Variants in SGCD observed in about 807,000 individuals in gnomAD.
SGCD encodes the protein delta-sarcoglycan.
Under a neutral mutation model 36.6 loss-of-function variants are expected in SGCD, and 18 were observed. The observed-to-expected ratio is 0.49, with a 90% CI of 0.34 to 0.73. The LOEUF is 0.73. Ranked by LOEUF, SGCD falls within the 30% of genes least tolerant of loss-of-function variation. SGCD has a pLI of 0.01. For synonymous variants in SGCD, 133 were observed against 130.6 expected (o/e 1.02, Z -0.12); for missense variants, 387 against 346.7 (o/e 1.12, Z -0.92).
intron 3 of SGCD, among the ~76,000 whole-genome samples, chr5:156,278,296 A>C (rs1205817190): frequency 1.3e-5 from 2 of 152,150 alleles, no homozygotes; most frequent in South Asian, 4.2e-4. Flanking sequence ...GTGGAATGTT[A>C]TTGAAGAGTG....
chr5:155,892,459 G>GAAAAAAAAAAAAAAAAAAAA (rs70981989), intron 1 of SGCD, among the ~76,000 whole-genome samples: 1 of 94,314 alleles, frequency 1.1e-5, no homozygotes, highest in Non-Finnish European at 2.1e-5. Context: ...ATCTGAAAAA[G>GAAAAAAAAAAAAAAAAAAAA]AAAAAAAAAA....
In SGCD at chr5:156,508,706, AGTTTCTGCTGAGAGAAGGAG is replaced by A; in HGVS notation, c.294+6_294+25del. 1 of 1,533,242 alleles carries A rather than the reference AGTTTCTGCTGAGAGAAGGAG, an allele frequency of 6.5e-7. No homozygotes were observed. The highest frequency in any genetic ancestry group is 1.4e-5 in the African/African-American group (1 of 72,958). 95.0% of individuals were successfully genotyped at this position (1,533,242 alleles called of 1,614,324 possible). ...CAAAGAAATCCAGTCCCGACCAGTAAGTTTCTGCTGAGAGAAGGAGGCATTATTGTTGCTCTAGAATCTAA... is the reference window on the plus strand; with the variant it reads ...CAAAGAAATCCAGTCCCGACCAGTAAGCATTATTGTTGCTCTAGAATCTAA... On this transcript the variant is annotated splice_donor_5th_base_variant and intron_variant, in intron 4 of 8. Coordinates refer to ENST00000337851, the MANE Select transcript of SGCD (RefSeq NM_000337.6).
At chr5:156,049,781 A>G in intron 1 of SGCD, among the ~76,000 whole-genome samples, 1 of 146,360 alleles carries the variant, frequency 6.8e-6, no homozygotes, top group Admixed American at 6.8e-5. Context: ...ATGACTTGGG[A>G]AAAAGTTGAT....
At chr5:155,921,318 A>G (rs911287410) in intron 1 of SGCD, among the ~76,000 whole-genome samples, 2 of 152,138 alleles carry the variant, frequency 1.3e-5, no homozygotes, top group African/African-American at 4.8e-5. Context: ...TGAAGAAAAA[A>G]CACAAAATGA....
chr5:155,777,260 A>G, the SGCD span, among the ~76,000 whole-genome samples: 8 of 152,230 alleles, frequency 5.3e-5, no homozygotes, highest in South Asian at 1.7e-3. Context: ...ACCTTTTTCA[A>G]TTAATATGTA....
intron 1 of SGCD, among the ~76,000 whole-genome samples, chr5:156,040,304 C>G (rs904670682): frequency 4.6e-5 from 7 of 152,176 alleles, no homozygotes; most frequent in Non-Finnish European, 7.4e-5. Context: ...CTTGGCGTCT[C>G]CGACAAGCGG....
intron 3 of SGCD, among the ~76,000 whole-genome samples, chr5:156,495,669 T>C (rs1274744877): frequency 5.3e-5 from 8 of 152,180 alleles, no homozygotes; most frequent in Admixed American, 5.2e-4. Context: ...ATTGTGATGG[T>C]AGGAATTTAA....
intron 1 of SGCD, among the ~76,000 whole-genome samples, chr5:155,996,570 G>A (rs1758549161): frequency 6.6e-6 from 1 of 152,092 alleles, no homozygotes; most frequent in South Asian, 2.1e-4. Context: ...TTAAGGCCAG[G>A]AGTTCAAGAC....
intron 7 of SGCD, among the ~76,000 whole-genome samples, chr5:156,713,886 C>G (rs1006660064): frequency 6.6e-6 from 1 of 152,284 alleles, no homozygotes; most frequent in African/African-American, 2.4e-5. Flanking sequence ...AATCCTAATC[C>G]CTTCACCAAT....
chr5:156,519,551 GA>G (rs112504711), intron 4 of SGCD, among the ~76,000 whole-genome samples: 35,347 of 151,822 alleles, frequency 0.23, 4,703 homozygotes, highest in Non-Finnish European at 0.31. Flanking sequence ...AAAAACCTAG[GA>G]GAGATACAAC....
chr5:156,037,290 A>T (rs1759523093), intron 1 of SGCD, among the ~76,000 whole-genome samples: 1 of 152,198 alleles, frequency 6.6e-6, no homozygotes, highest in African/African-American at 2.4e-5. Flanking sequence ...CAGGAGTGGC[A>T]TGTGCAAAGG....
At position 156,760,330 on chromosome 5, in the gene SGCD, A is replaced by T. The variant is rs1757477641; in HGVS notation, c.*940A>T. The T allele has an allele frequency of 6.6e-6, 1 of 152,268 alleles. No homozygotes were observed. The highest frequency in any genetic ancestry group is 2.4e-5 in the African/African-American group (1 of 41,468). 9.4% of individuals were successfully genotyped at this position (152,268 alleles called of 1,614,324 possible). The stretch of plus-strand genomic sequence containing the variant: ...CAGGTCAATCAAAATCCCTAAGAGC[A>T]GAACTCCTACCCCAAAAGAAGCCTG... On this transcript the variant is annotated 3_prime_UTR_variant, in exon 9 of 9. Transcript: ENST00000337851.
intron 1 of SGCD, among the ~76,000 whole-genome samples, chr5:156,008,621 C>T (rs1029911264): frequency 6.6e-5 from 10 of 152,266 alleles, no homozygotes; most frequent in East Asian, 5.8e-4. Context: ...AGCAGTTCTC[C>T]GGCCTCAGCC....
chr5:156,653,493 C>CTTTGTTTTTTTTTTTTTTTTTTT (rs1763545418), intron 7 of SGCD, among the ~76,000 whole-genome samples: 2 of 48,082 alleles, frequency 4.2e-5, no homozygotes, highest in Non-Finnish European at 8.0e-5. Context: ...CTAAAGCTTG[C>CTTTGTTTTTTTTTTTTTTTTTTT]TTTTTTTTTT....
chr5:156,279,235 A>C (rs1270828519), intron 3 of SGCD, among the ~76,000 whole-genome samples: 1 of 152,148 alleles, frequency 6.6e-6, no homozygotes, highest in African/African-American at 2.4e-5. Flanking sequence ...AAAAAATCTT[A>C]AGTTCTTTTT....
chr5:156,426,424 T>C (rs1217438394), intron 3 of SGCD, among the ~76,000 whole-genome samples: 1 of 152,128 alleles, frequency 6.6e-6, no homozygotes, highest in African/African-American at 2.4e-5. Flanking sequence ...ATTATTTGTT[T>C]TTATTCTTGC....
chr5:156,546,726 A>G (rs1291279241), intron 4 of SGCD, among the ~76,000 whole-genome samples: 2 of 152,228 alleles, frequency 1.3e-5, no homozygotes, highest in African/African-American at 4.8e-5. Flanking sequence ...TAGGAATTAC[A>G]TGGATTAGAC....
At chr5:156,237,289 TA>T (rs1765190706) in intron 3 of SGCD, among the ~76,000 whole-genome samples, 1 of 152,176 alleles carries the variant, frequency 6.6e-6, no homozygotes, top group South Asian at 2.1e-4. Flanking sequence ...GCACCTTATT[TA>T]TATGTCCTGT....
chr5:156,725,309 G>A (rs1194024863), intron 7 of SGCD, among the ~76,000 whole-genome samples: 1 of 152,194 alleles, frequency 6.6e-6, no homozygotes, highest in Admixed American at 6.5e-5. Context: ...AGCCATTTCT[G>A]CAAGGAAGGT....
Sources: allele counts gnomAD v4.1 joint callset (sites outside exome capture counted in the v4.1 genomes callset), GRCh38; gene constraint gnomAD v4.1.1; transcripts MANE v1.5; gene names NCBI Gene and HGNC (gene_info 2026-07-23, HGNC 2026-07-21).